The following ASCC3 variants were observed in gnomAD, a reference collection of about 807,000 sequenced individuals.
The protein encoded by ASCC3 is activating signal cointegrator 1 complex subunit 3, also known as ASC-1 complex subunit P200.
ASCC3 carries 158 observed loss-of-function variants against 256.3 expected under a neutral mutation model. The observed-to-expected ratio is 0.62, with a 90% CI of 0.54 to 0.70. ASCC3 has a LOEUF of 0.70. Ranked by LOEUF, ASCC3 falls within the 30% of genes least tolerant of loss-of-function variation. ASCC3 has a pLI of 0.00. For missense variants in ASCC3, 2,259 were observed against 2,626.0 expected (o/e 0.86, Z 3.05); for synonymous variants, 948 against 883.4 (o/e 1.07, Z -1.30).
intron 13 of ASCC3, among the ~76,000 whole-genome samples, chr6:100,710,943 T>C (rs1023523206): frequency 6.6e-6 from 1 of 152,134 alleles, no homozygotes. Flanking sequence ...TCAAAATAGC[T>C]GTGGTACTGG....
intron 25 of ASCC3, among the ~76,000 whole-genome samples, chr6:100,637,938 A>G (rs1774925594): frequency 6.6e-6 from 1 of 152,228 alleles, no homozygotes; most frequent in Admixed American, 6.5e-5. Flanking sequence ...TGCTGAAATG[A>G]CAAAAAGGAT....
chr6:100,629,295 T>G, intron 26 of ASCC3, 114 bp from the exon 27 acceptor site: 1 of 975,502 alleles, frequency 1.0e-6, no homozygotes, highest in East Asian at 2.6e-5. Flanking sequence ...AATTACTTTA[T>G]CTACCTTTGA....
chr6:100,680,192 T>G (rs1452359124), intron 13 of ASCC3, among the ~76,000 whole-genome samples: 2 of 152,096 alleles, frequency 1.3e-5, no homozygotes, highest in African/African-American at 4.8e-5. Context: ...AACAATCACT[T>G]AAAATACAAA....
At chr6:100,589,609 G>C in intron 36 of ASCC3, 25 bp downstream of exon 36, 1 of 1,612,168 alleles carries the variant, frequency 6.2e-7, no homozygotes, top group East Asian at 2.2e-5. Context: ...TAAAAGAGAA[G>C]ATATGAAATA....
At chr6:100,523,333 TAGCTATTTGTTTTTACAG>T (rs1472687186) in intron 37 of ASCC3, among the ~76,000 whole-genome samples, 3 of 152,130 alleles carry the variant, frequency 2.0e-5, no homozygotes, top group African/African-American at 7.2e-5. Flanking sequence ...TCATACTATA[TAGCTATTTGTTTTTACAG>T]AGCTTACTTT....
intron 26 of ASCC3, among the ~76,000 whole-genome samples, chr6:100,629,740 T>C (rs1774438763): frequency 6.6e-6 from 1 of 152,006 alleles, no homozygotes; most frequent in Non-Finnish European, 1.5e-5. Flanking sequence ...CCAGAGCAAA[T>C]ATGTACCAAC....
intron 10 of ASCC3, among the ~76,000 whole-genome samples, chr6:100,764,003 C>T (rs1304470744): frequency 6.6e-6 from 1 of 152,170 alleles, no homozygotes; most frequent in African/African-American, 2.4e-5. Flanking sequence ...AATGGAGGTA[C>T]TACCCAGTAG....
chr6:100,859,786 T>A (rs780919475), intron 3 of ASCC3, among the ~76,000 whole-genome samples: 1 of 152,024 alleles, frequency 6.6e-6, no homozygotes, highest in Non-Finnish European at 1.5e-5. Context: ...AAATCAGGGC[T>A]TATAAATTAG....
At chr6:100,762,412 A>C (rs954021273) in intron 10 of ASCC3, among the ~76,000 whole-genome samples, 1 of 152,236 alleles carries the variant, frequency 6.6e-6, no homozygotes, top group Non-Finnish European at 1.5e-5. Context: ...TACAGTGAAC[A>C]TTGTAAAATA....
At chr6:100,616,403 T>A (rs1446944309) in intron 30 of ASCC3, among the ~76,000 whole-genome samples, 2 of 152,220 alleles carry the variant, frequency 1.3e-5, no homozygotes, top group African/African-American at 4.8e-5. Flanking sequence ...ATTACAGTTT[T>A]CATAAATTCA....
rs1777952339 is a variant in ASCC3 at position 100,693,848 on chromosome 6, G to A, written c.2152-14096C>T. On this transcript the variant is annotated intron_variant, in intron 13 of 41. Transcript: ENST00000369162. The stretch of plus-strand genomic sequence containing the variant: ...TTTGTTCTTACAACAAACTCTTGTA[G>A]CAGCTCAATATATTAAAAATAAATA... 2.0e-5 allele frequency among the ~76,000 whole-genome samples: 3 copies of A among 152,130 alleles called. No homozygotes were observed. In the South Asian group the frequency reaches 6.2e-4, roughly 32 times the overall value.
intron 8 of ASCC3, among the ~76,000 whole-genome samples, chr6:100,783,610 A>T (rs1188276364): frequency 1.3e-5 from 2 of 152,140 alleles, no homozygotes; most frequent in Non-Finnish European, 2.9e-5. Flanking sequence ...TTCTTTCCAC[A>T]TACCTCCACA....
intron 13 of ASCC3, among the ~76,000 whole-genome samples, chr6:100,695,612 G>T (rs956912631): frequency 6.6e-6 from 1 of 152,186 alleles, no homozygotes; most frequent in Non-Finnish European, 1.5e-5. Context: ...GGAGTCAACT[G>T]CTTACTTTCC....
chr6:100,772,851 G>T (rs966008129), intron 8 of ASCC3, among the ~76,000 whole-genome samples: 1 of 152,156 alleles, frequency 6.6e-6, no homozygotes, highest in African/African-American at 2.4e-5. Context: ...CTGCAAGTAT[G>T]ACCCGCAGGT....
At chr6:100,757,420 C>T (rs1203660567) in intron 10 of ASCC3, among the ~76,000 whole-genome samples, 1 of 151,412 alleles carries the variant, frequency 6.6e-6, no homozygotes, top group Non-Finnish European at 1.5e-5. Flanking sequence ...AAAATAATAA[C>T]CCTGCTCTTA....
chr6:100,782,795 A>G (rs1359284645), intron 8 of ASCC3, among the ~76,000 whole-genome samples: 2 of 152,094 alleles, frequency 1.3e-5, no homozygotes, highest in Admixed American at 6.6e-5. Context: ...GCTGCAGAAT[A>G]GTATTATAAT....
chr6:100,590,798 G>A (rs1038416156), intron 34 of ASCC3, among the ~76,000 whole-genome samples: 22 of 152,206 alleles, frequency 1.4e-4, no homozygotes, highest in Non-Finnish European at 2.9e-4. Context: ...ACACTATCTA[G>A]ATGACAATTT....
intron 30 of ASCC3, among the ~76,000 whole-genome samples, chr6:100,615,337 C>T (rs240155): frequency 0.073 from 11,171 of 152,106 alleles, 615 homozygotes; most frequent in African/African-American, 0.15. Context: ...CCACCCCCAC[C>T]ATGACTTTTC....
At chr6:100,784,967 T>A (rs554987309) in intron 8 of ASCC3, among the ~76,000 whole-genome samples, 1 of 152,084 alleles carries the variant, frequency 6.6e-6, no homozygotes, top group Non-Finnish European at 1.5e-5. Flanking sequence ...TATAGAGTCC[T>A]ACATCTTTAC....
Sources: gnomAD v4.1 joint callset for allele counts (sites outside exome capture counted in the v4.1 genomes callset) on GRCh38, gnomAD v4.1.1 for gene constraint, MANE v1.5 for transcripts, NCBI Gene and HGNC (gene_info 2026-07-23, HGNC 2026-07-21) for gene names.